The following LIMCH1 variants were observed in gnomAD, a reference collection of about 807,000 sequenced individuals.
LIMCH1 encodes LIM and calponin homology domains-containing protein 1.
Under a neutral mutation model 176.5 loss-of-function variants are expected in LIMCH1, and 113 were observed. The observed-to-expected ratio is 0.64, with a 90% CI of 0.55 to 0.75. The LOEUF (loss-of-function observed/expected upper bound fraction) is 0.75. LIMCH1 is among the 30% of genes least tolerant of loss of function. LIMCH1 has a pLI of 0.00. For missense variants in LIMCH1, 1,674 were observed against 1,814.9 expected (o/e 0.92, Z 1.41); for synonymous variants, 619 against 645.9 (o/e 0.96, Z 0.63).
intron 1 of LIMCH1, among the ~76,000 whole-genome samples, chr4:41,587,542 A>G (rs1227115151): frequency 6.6e-6 from 1 of 152,198 alleles, no homozygotes; most frequent in African/African-American, 2.4e-5. Context: ...GGGTGGGCAC[A>G]CAAGAGATTA....
At chr4:41,417,738 G>T (rs2060070415) in intron 1 of LIMCH1, among the ~76,000 whole-genome samples, 1 of 152,000 alleles carries the variant, frequency 6.6e-6, no homozygotes, top group African/African-American at 2.4e-5. Context: ...TGCCCAGGCT[G>T]GTCTTGAACT....
chr4:41,552,442 GA>G (rs1277408455), intron 1 of LIMCH1, among the ~76,000 whole-genome samples: 2 of 152,152 alleles, frequency 1.3e-5, no homozygotes, highest in African/African-American at 4.8e-5. Context: ...GAACACTCCA[GA>G]AGGCTCGAAT....
At chr4:41,694,347 C>A (rs1308853493) in intron 31 of LIMCH1, among the ~76,000 whole-genome samples, 1 of 152,150 alleles carries the variant, frequency 6.6e-6, no homozygotes, top group Non-Finnish European at 1.5e-5. Context: ...CCAATAATTT[C>A]TTGGGGTAGG....
intron 1 of LIMCH1, among the ~76,000 whole-genome samples, chr4:41,445,886 T>G (rs1020020709): frequency 6.6e-6 from 1 of 152,210 alleles, no homozygotes; most frequent in African/African-American, 2.4e-5. Context: ...TTGGAGGACT[T>G]TGGCTCTTTG....
intron 1 of LIMCH1, among the ~76,000 whole-genome samples, chr4:41,462,054 T>G (rs1487385920): frequency 6.6e-6 from 1 of 152,186 alleles, no homozygotes; most frequent in Non-Finnish European, 1.5e-5. Context: ...TGCAAAGTTC[T>G]CTTTGTATGA....
intron 21 of LIMCH1, among the ~76,000 whole-genome samples, chr4:41,668,868 C>G (rs1241208483): frequency 6.6e-6 from 1 of 152,154 alleles, no homozygotes; most frequent in Non-Finnish European, 1.5e-5. Flanking sequence ...AAAGAGAGAG[C>G]TTGTGTAGGG....
chr4:41,387,238 C>A (rs1464123252), intron 1 of LIMCH1, among the ~76,000 whole-genome samples: 1 of 152,142 alleles, frequency 6.6e-6, no homozygotes, highest in Admixed American at 6.5e-5. Context: ...ATTGTTCATT[C>A]TTTATAGAAT....
intron 1 of LIMCH1, among the ~76,000 whole-genome samples, chr4:41,480,769 G>A (rs2068465830): frequency 6.6e-6 from 1 of 152,066 alleles, no homozygotes; most frequent in African/African-American, 2.4e-5. Context: ...CCTTCTCTCT[G>A]CTCTCAAGTC....
In LIMCH1 at chr4:41,429,334, A is replaced by G. The variant is rs377093006; in HGVS notation, c.97-65202A>G. Among the ~76,000 whole-genome samples the G allele has an allele frequency of 8.5e-5, 13 of 152,108 alleles. No individual in the cohort carries two copies. In the South Asian group the frequency reaches 2.7e-3, roughly 32 times the overall value. On this transcript the variant is annotated intron_variant, in intron 1 of 26. Transcript: ENST00000313860. ...CTCTGACCCATGGGTTTTTTTAAATATAAATTCACTTGCGTTTAGCCATAG... is the reference window on the plus strand; with the variant it reads ...CTCTGACCCATGGGTTTTTTTAAATGTAAATTCACTTGCGTTTAGCCATAG...
rs766676018 is a variant in LIMCH1 at position 41,689,642 on chromosome 4, A to G, written c.4275+7A>G. On this transcript the variant is annotated splice_region_variant and intron_variant, in intron 30 of 31. Transcript: ENST00000503057. ...TCACATCCAGTGTTTCAGGGTACGTACTTACTGCTTTGCTCTCCAGACACA... is the reference window on the plus strand; with the variant it reads ...TCACATCCAGTGTTTCAGGGTACGTGCTTACTGCTTTGCTCTCCAGACACA... 12 of 1,532,412 alleles carry G rather than the reference A, an allele frequency of 7.8e-6. No homozygotes were observed. In the South Asian group the frequency reaches 1.3e-4, roughly 17 times the overall value. The allele number at this position is 1,532,412 out of a possible 1,614,324, so 94.9% of individuals were successfully genotyped here.
intron 1 of LIMCH1, among the ~76,000 whole-genome samples, chr4:41,471,506 C>G (rs142947070): frequency 1.3e-5 from 2 of 152,340 alleles, no homozygotes; most frequent in East Asian, 1.9e-4. Context: ...TGCTGCCCCA[C>G]GTCCATGGCA....
intron 1 of LIMCH1, among the ~76,000 whole-genome samples, chr4:41,478,849 C>A (rs375465864): frequency 3.3e-4 from 51 of 152,258 alleles, no homozygotes; most frequent in African/African-American, 1.1e-3. Context: ...AGTGAACTGG[C>A]AAATGAGTGT....
intron 3 of LIMCH1, among the ~76,000 whole-genome samples, chr4:41,524,789 T>C (rs2076459999): frequency 6.6e-6 from 1 of 152,234 alleles, no homozygotes; most frequent in African/African-American, 2.4e-5. Flanking sequence ...TTAATTACGT[T>C]TTCTCATTTC....
chr4:41,524,446 A>G, exon 3 of LIMCH1: 1 of 1,613,928 alleles, frequency 6.2e-7, no homozygotes, highest in East Asian at 2.2e-5. Context: ...TGTTAAAAAG[A>G]TCAATAGATT....
At chr4:41,534,190 G>A (rs1215258972), upstream of LIMCH1, among the ~76,000 whole-genome samples, 1 of 152,148 alleles carries the variant, frequency 6.6e-6, no homozygotes, top group Non-Finnish European at 1.5e-5. Flanking sequence ...CTTAGTAGAA[G>A]CAGTGGGATT....
intron 2 of LIMCH1, among the ~76,000 whole-genome samples, chr4:41,497,683 T>C (rs11933472): frequency 0.04 from 6,088 of 152,000 alleles, 406 homozygotes; most frequent in African/African-American, 0.14. Context: ...CGGATGCCTG[T>C]AATCCCAGCT....
rs760643115 is a variant in LIMCH1, at chr4:41,689,640, G to T, written c.4275+5G>T. 6.5e-7 allele frequency: 1 copy of T among 1,535,942 alleles called. No homozygotes were observed. The highest frequency in any genetic ancestry group is 2.2e-5 in the East Asian group (1 of 44,484). On this transcript the variant is annotated splice_donor_5th_base_variant and intron_variant, in intron 30 of 31. Coordinates refer to ENST00000503057, the MANE Select transcript of LIMCH1 (RefSeq NM_001330672.2). ...TTTCACATCCAGTGTTTCAGGGTAC[G>T]TACTTACTGCTTTGCTCTCCAGACA...
At chr4:41,543,498 C>T (rs968759363) in intron 1 of LIMCH1, among the ~76,000 whole-genome samples, 3 of 152,028 alleles carry the variant, frequency 2.0e-5, no homozygotes, top group Admixed American at 6.6e-5. Context: ...AACTTTCGGC[C>T]CATATTGCAC....
At chr4:41,459,928 A>G (rs2065082702) in intron 1 of LIMCH1, among the ~76,000 whole-genome samples, 1 of 152,098 alleles carries the variant, frequency 6.6e-6, no homozygotes, top group Admixed American at 6.5e-5. Context: ...AAGATAGGGA[A>G]GGGAAGATTT....
Sources: allele counts gnomAD v4.1 joint callset (sites outside exome capture counted in the v4.1 genomes callset), GRCh38; gene constraint gnomAD v4.1.1; transcripts MANE v1.5; gene names NCBI Gene and HGNC (gene_info 2026-07-23, HGNC 2026-07-21).